SYNM: variants seen among roughly 807,000 people sequenced by gnomAD.
The protein encoded by SYNM is synemin, also known as desmuslin.
In SYNM, 95 loss-of-function variants were observed where a neutral mutation model predicts 104.0. The observed-to-expected ratio is 0.91, with a 90% CI of 0.77 to 1.08. SYNM has a LOEUF of 1.08. SYNM is among the 50% of genes least tolerant of loss of function. The pLI is 0.00. For synonymous variants in SYNM, 918 were observed against 869.0 expected (o/e 1.06, Z -0.99); for missense variants, 2,150 against 2,052.2 (o/e 1.05, Z -0.92).
intron 1 of SYNM, among the ~76,000 whole-genome samples, chr15:99,107,466 G>A (rs535894100): frequency 2.0e-5 from 3 of 152,296 alleles, no homozygotes; most frequent in South Asian, 4.1e-4. Context: ...GGGAACCCTC[G>A]CTACCAACTC....
At position 99,131,045 on chromosome 15, in the gene SYNM, G is replaced by A. The variant is rs376459305; in HGVS notation, c.2685G>A (p.Ala895=). Residue 895 remains alanine, a synonymous_variant, in exon 4 of 4, where the codon GCG becomes GCA. Coordinates refer to ENST00000336292, the MANE Select transcript of SYNM (RefSeq NM_145728.3). The surrounding 1 kb of genome is among the most constrained non-coding windows in gnomAD (Gnocchi z 4.3). ...EKVVKPLDVP[A]PSLEGDLGST... ...TTGTGAAGCCCTTGGATGTCCCAGC[G>A]CCCTCTCTGGAGGGGGACCTGGGTT... The A allele has an allele frequency of 8.1e-5, 130 of 1,608,306 alleles. No individual in the cohort carries two copies. In the East Asian group the frequency reaches 9.0e-4, roughly 11 times the overall value.
the SYNM span, among the ~76,000 whole-genome samples, chr15:99,141,509 A>T: frequency 6.6e-6 from 1 of 152,194 alleles, no homozygotes; most frequent in Non-Finnish European, 1.5e-5. Flanking sequence ...GTGAGTTCAA[A>T]GGTCTTTGTT....
intron 2 of SYNM, 30 bp from the exon 3 acceptor site, chr15:99,126,692 A>G (rs1555485047): frequency 6.4e-7 from 1 of 1,553,210 alleles, no homozygotes. Flanking sequence ...TCGTTTCCTA[A>G]TGAATTATGT....
At chr15:99,110,107 C>T (rs1003649169) in intron 1 of SYNM, among the ~76,000 whole-genome samples, 2 of 152,292 alleles carry the variant, frequency 1.3e-5, no homozygotes, top group South Asian at 2.1e-4. Flanking sequence ...TTGAAGCCAA[C>T]GGCATTTGCT....
chr15:99,105,953 G>C lies in SYNM; in HGVS notation c.754G>C (p.Glu252Gln), dbSNP rs2067236558. The change falls in exon 1 of 4, where the codon GAG (glutamate) becomes CAG (glutamine). Residue 252 changes from glutamate (E) to glutamine (Q), a missense_variant. Coordinates refer to ENST00000336292, the MANE Select transcript of SYNM (RefSeq NM_145728.3). Reference protein sequence around the residue: ...LGLEQLRARLEDALLRMREEY... With the variant: ...LGLEQLRARLQDALLRMREEY... ...GTTGGAGCAGCTGCGCGCGCGGCTG[G>C]AGGACGCGCTGCTGCGGATGCGCGA... 2.0e-6 allele frequency: 3 copies of C among 1,520,358 alleles called. No homozygotes were observed. Among genetic ancestry groups the C allele is most frequent in the African/African-American group, 2.8e-5 (2 of 70,952 alleles). 94.2% of individuals were successfully genotyped at this position (1,520,358 alleles called of 1,614,324 possible).
Position 99,105,288 on chromosome 15 carries a change from G to T in SYNM, c.89G>T (p.Arg30Leu), listed in dbSNP as rs113288259. Residue 30 changes from arginine to leucine, a missense_variant, in exon 1 of 4, where the codon CGG becomes CTG. Transcript: ENST00000336292. ...ARLYDYVCRVRELERENLLLE... is the reference protein window; with the variant it reads ...ARLYDYVCRVLELERENLLLE... ...CTCTATGACTACGTGTGTCGGGTGC[G>T]GGAGCTGGAGCGCGAAAACCTACTC... 1.3e-6 allele frequency: 2 copies of T among 1,553,220 alleles called. No individual in the cohort carries two copies. The highest frequency in any genetic ancestry group is 2.7e-5 in the African/African-American group (2 of 73,376).
At position 99,105,126 on chromosome 15, in the gene SYNM, G is replaced by C; in HGVS notation, c.-74G>C. 6.7e-7 allele frequency: 1 copy of C among 1,482,736 alleles called. No individual in the cohort carries two copies. The highest frequency in any genetic ancestry group is 9.0e-7 in the Non-Finnish European group (1 of 1,110,164). 91.8% of individuals were successfully genotyped at this position (1,482,736 alleles called of 1,614,324 possible). A position where few individuals can be genotyped will look rare whatever the true frequency, so the allele number is the denominator to read the frequency against. On this transcript the variant is annotated 5_prime_UTR_variant, in exon 1 of 4. Coordinates refer to ENST00000336292, the MANE Select transcript of SYNM (RefSeq NM_145728.3). The stretch of plus-strand genomic sequence containing the variant: ...GCGGCGAGGCCGGAGCGTCGCGGCG[G>C]AGAGGACGAGACCGGGACAAGACCA...
In SYNM at chr15:99,113,710, C is replaced by T. The variant is rs781973394; in HGVS notation, c.930C>T (p.Thr310=). 1.9e-6 allele frequency: 3 copies of T among 1,613,524 alleles called. No individual in the cohort carries two copies. Among genetic ancestry groups the T allele is most frequent in the Middle Eastern group, 3.3e-4 (2 of 6,056 alleles). ...CCGGCCTCAGTCTGGAGGTGGCGACCTACCGGTAAGGAGACTGTGCTGAGT... is the reference window on the plus strand; with the variant it reads ...CCGGCCTCAGTCTGGAGGTGGCGACTTACCGGTAAGGAGACTGTGCTGAGT... The part of the protein sequence containing the change: ...VKTGLSLEVA[T]YRALLEGESN... The change falls in exon 2 of 4, where the codon ACC becomes ACT. Residue 310 remains threonine, a synonymous_variant. Transcript: ENST00000336292.
intron 3 of SYNM, 186 bp from the exon 4 acceptor site, chr15:99,129,181 C>A: frequency 1.3e-6 from 1 of 775,712 alleles, no homozygotes; most frequent in Non-Finnish European, 2.0e-6. Context: ...TTTATTGTAA[C>A]AGGATTTTGT....
chr15:99,118,694 TATATA>T (rs1318029663), intron 2 of SYNM, among the ~76,000 whole-genome samples: 1 of 152,022 alleles, frequency 6.6e-6, no homozygotes, highest in Non-Finnish European at 1.5e-5. Context: ...TATAAATAAA[TATATA>T]ATTTAATAAA....
chr15:99,108,717 C>T (rs2151798448), intron 1 of SYNM, among the ~76,000 whole-genome samples: 1 of 152,286 alleles, frequency 6.6e-6, no homozygotes, highest in East Asian at 1.9e-4. Flanking sequence ...GCACATAAGT[C>T]ACCTGATTAG....
chr15:99,130,046 G>A lies in SYNM; in HGVS notation c.1686G>A (p.Lys562=), dbSNP rs1555485511. The change falls in exon 4 of 4, where the codon AAG becomes AAA. Residue 562 remains lysine (K), a synonymous_variant. Coordinates refer to ENST00000336292, the MANE Select transcript of SYNM (RefSeq NM_145728.3). ...GCCAGCAGATGAAGGAGAAGGCTAAGGAGAAGGACTCACCGAAGGAGAAGA... is the reference window on the plus strand; with the variant it reads ...GCCAGCAGATGAAGGAGAAGGCTAAAGAGAAGGACTCACCGAAGGAGAAGA... ...RESQQMKEKA[K]EKDSPKEKSV... 2 of 1,613,792 alleles carry A rather than the reference G, an allele frequency of 1.2e-6. No individual in the cohort carries two copies. Among genetic ancestry groups the A allele is most frequent in the African/African-American group, 2.7e-5 (2 of 74,924 alleles).
Position 99,131,103 on chromosome 15 carries a change from G to A in SYNM, c.2743G>A (p.Glu915Lys). ...THWKEQARSG[E>K]FHAEPTVIEK... The stretch of plus-strand genomic sequence containing the variant: ...CTGGAAAGAACAAGCTAGAAGCGGT[G>A]AATTTCATGCCGAACCCACAGTCAT... Residue 915 changes from glutamate to lysine, a missense_variant, in exon 4 of 4, where the codon GAA becomes AAA. Coordinates refer to ENST00000336292, the MANE Select transcript of SYNM (RefSeq NM_145728.3). The surrounding 1 kb of genome is among the most constrained non-coding windows in gnomAD (Gnocchi z 4.3). The A allele has an allele frequency of 6.2e-7, 1 of 1,602,926 alleles. No homozygotes were observed. The highest frequency in any genetic ancestry group is 2.2e-5 in the East Asian group (1 of 44,454).
intron 2 of SYNM, among the ~76,000 whole-genome samples, chr15:99,125,569 C>G (rs1041690571): frequency 1.3e-5 from 2 of 152,252 alleles, no homozygotes; most frequent in Non-Finnish European, 2.9e-5. Context: ...GCTCACAGGG[C>G]TCTCGTGTTC....
chr15:99,121,324 C>T (rs1311255247), intron 2 of SYNM, among the ~76,000 whole-genome samples: 1 of 151,874 alleles, frequency 6.6e-6, no homozygotes, highest in African/African-American at 2.4e-5. Flanking sequence ...TGCAGGAGGC[C>T]TGCAGTGCTG....
rs920802207 is a variant in SYNM, at chr15:99,114,977, G to A, written c.935+1262G>A. 4.6e-5 allele frequency among the ~76,000 whole-genome samples: 7 copies of A among 152,300 alleles called. No individual in the cohort carries two copies. In the East Asian group the frequency reaches 9.6e-4, roughly 21 times the overall value. On this transcript the variant is annotated intron_variant, in intron 2 of 3. Coordinates refer to ENST00000336292, the MANE Select transcript of SYNM (RefSeq NM_145728.3). The stretch of plus-strand genomic sequence containing the variant: ...ATGGCGTCCTTACTGCCTGCCAGAC[G>A]TGGTGCTGAGTTCTTTGCCACTATT...
chr15:99,126,403 T>C (rs1863229376), intron 2 of SYNM, among the ~76,000 whole-genome samples: 1 of 152,212 alleles, frequency 6.6e-6, no homozygotes, highest in Admixed American at 6.5e-5. Context: ...GAGAAAGCTT[T>C]CTAGAAGGGC....
In SYNM at chr15:99,134,565, G is replaced by C. The variant is rs568779343; in HGVS notation, c.*1507G>C. 1.3e-5 allele frequency: 2 copies of C among 152,222 alleles called. No individual in the cohort carries two copies. The highest frequency in any genetic ancestry group is 4.8e-5 in the African/African-American group (2 of 41,532). The allele number at this position is 152,222 out of a possible 1,614,324, so 9.4% of individuals were successfully genotyped here. A position where few individuals can be genotyped will look rare whatever the true frequency, so the allele number is the denominator to read the frequency against. ...TCATCGCACTGACTGTGGCGCACTG[G>C]GGAATAACAGTCTGAGCTAGCACCA... On this transcript the variant is annotated 3_prime_UTR_variant, in exon 4 of 4. Transcript: ENST00000336292.
chr15:99,121,733 G>A (rs1242456606), intron 2 of SYNM, among the ~76,000 whole-genome samples: 1 of 152,188 alleles, frequency 6.6e-6, no homozygotes, highest in African/African-American at 2.4e-5. Context: ...TCAGCAAGAA[G>A]CTGTTAGAAA....
Sources: gnomAD v4.1 joint callset for allele counts (sites outside exome capture counted in the v4.1 genomes callset) on GRCh38, gnomAD v4.1.1 for gene constraint, Gnocchi (gnomAD v3.1) non-coding constraint, MANE v1.5 for transcripts, NCBI Gene and HGNC (gene_info 2026-07-23, HGNC 2026-07-21) for gene names.